Variants in SYN1 observed in about 807,000 individuals in gnomAD.
SYN1 encodes synapsin-1.
SYN1 carries 8 observed loss-of-function variants against 44.6 expected under a neutral mutation model. The ratio of observed to expected loss-of-function variants is 0.18; its 90% CI spans 0.11 to 0.32. The LOEUF (loss-of-function observed/expected upper bound fraction) is 0.32. Ranked by LOEUF, SYN1 falls within the 10% of genes least tolerant of loss-of-function variation. The pLI is 1.00. For missense variants in SYN1, 451 were observed against 639.4 expected (o/e 0.71, Z 3.18); for synonymous variants, 275 against 280.1 (o/e 0.98, Z 0.18).
intron 11 of SYN1, 21 bp downstream of exon 11, chrX:47,574,667 G>A: frequency 8.6e-7 from 1 of 1,165,556 alleles, no homozygotes; most frequent in Non-Finnish European, 1.2e-6. Context: ...AGGGGACTGC[G>A]ACCGCCAGCC....
At chrX:47,594,729 C>CTTTTT (rs369921621) in intron 5 of SYN1, among the ~76,000 whole-genome samples, 4 of 94,005 alleles carry the variant, frequency 4.3e-5, no homozygotes, top group Non-Finnish European at 6.4e-5. Context: ...CTTTTCTTTT[C>CTTTTT]TTTTTTTTTT....
chrX:47,600,258 C>A (rs1053562971), intron 5 of SYN1, among the ~76,000 whole-genome samples: 2 of 109,219 alleles, frequency 1.8e-5, no homozygotes, highest in African/African-American at 6.7e-5. Context: ...GTGGTGCAAT[C>A]TCAGCTCACT....
rs1279101932 is a variant in SYN1 at position 47,583,400 on chromosome X, C to T, written c.775-5899G>A. 3 of 1,185,654 alleles carry T rather than the reference C, an allele frequency of 2.5e-6. No homozygotes were observed. The African/African-American group carries it at 5.3e-5, about 21-fold the overall frequency. On this transcript the variant is annotated intron_variant, in intron 5 of 12. Transcript: ENST00000295987. Reference sequence around the variant, plus strand: ...CCGGGGCCTGCCTGACATCCCCCTTCCCCACAGAACCCACCATGGCCCCCT... The same window carrying T: ...CCGGGGCCTGCCTGACATCCCCCTTTCCCACAGAACCCACCATGGCCCCCT...
chrX:47,619,175 G>A (rs1439000869), intron 1 of SYN1, among the ~76,000 whole-genome samples, 177 bp downstream of exon 1: 1 of 111,626 alleles, frequency 9.0e-6, no homozygotes, highest in African/African-American at 3.3e-5. Flanking sequence ...TTAAGGGGCG[G>A]AGGGGGGCGA....
At chrX:47,594,844 C>G (rs986111082) in intron 5 of SYN1, among the ~76,000 whole-genome samples, 3 of 110,373 alleles carry the variant, frequency 2.7e-5, no homozygotes, top group Admixed American at 9.6e-5. Context: ...TCTCCTGCCT[C>G]AGCCGCTCGA....
chrX:47,582,793 C>T (rs1472137722), intron 5 of SYN1, among the ~76,000 whole-genome samples: 1 of 96,216 alleles, frequency 1.0e-5, no homozygotes, highest in Non-Finnish European at 2.1e-5. Flanking sequence ...CCCCTAAATA[C>T]CCACCGCTAA....
chrX:47,583,572 C>T (rs2057809156), intron 5 of SYN1: 7 of 1,156,238 alleles, frequency 6.1e-6, no homozygotes, highest in Non-Finnish European at 8.1e-6. Flanking sequence ...CACACTCTGC[C>T]TTGGTTTCCC....
At chrX:47,583,118 C>T (rs544912971) in intron 5 of SYN1, among the ~76,000 whole-genome samples, 1 of 96,538 alleles carries the variant, frequency 1.0e-5, no homozygotes, top group South Asian at 5.5e-4. Context: ...TTCCCCAATC[C>T]CCTCATTCCT....
chrX:47,616,881 G>A (rs1159510987), intron 1 of SYN1, among the ~76,000 whole-genome samples: 1 of 111,080 alleles, frequency 9.0e-6, no homozygotes, highest in Admixed American at 9.6e-5. Context: ...AGGCAGGATG[G>A]AGATTGTTGA....
chrX:47,608,998 TC>T lies in SYN1; in HGVS notation c.378-1801del, dbSNP rs762239928. ...TACAGCTACTTCTTTTTCCTTGCTC[TC>T]TCTCTGACACACACACACACACACA... On this transcript the variant is annotated intron_variant, in intron 1 of 12. Coordinates refer to ENST00000295987, the MANE Select transcript of SYN1 (RefSeq NM_006950.3). Among the ~76,000 whole-genome samples the T allele has an allele frequency of 1.1e-4, 8 of 69,931 alleles. No homozygotes were observed. The East Asian group carries it at 3.2e-3, about 28-fold the overall frequency. The allele number at this position is 69,931 out of a possible 115,157, so 60.7% of individuals were successfully genotyped here.
At chrX:47,600,013 A>G (rs921317084) in intron 5 of SYN1, among the ~76,000 whole-genome samples, 2 of 112,602 alleles carry the variant, frequency 1.8e-5, no homozygotes, top group Admixed American at 1.9e-4. Context: ...ATAAGCATAA[A>G]TGGTCAATCC....
chrX:47,590,942 G>C (rs750085414), intron 5 of SYN1, among the ~76,000 whole-genome samples: 1 of 111,588 alleles, frequency 9.0e-6, no homozygotes, highest in East Asian at 2.8e-4. Context: ...GCCCCAGCTG[G>C]AGTGCAGTGG....
intron 1 of SYN1, among the ~76,000 whole-genome samples, chrX:47,614,230 A>T (rs774436759): frequency 9.0e-6 from 1 of 111,683 alleles, no homozygotes; most frequent in Non-Finnish European, 1.9e-5. Flanking sequence ...AGGGAGGAGT[A>T]TGTCTGGCAC....
chrX:47,586,269 C>T (rs1371470114), intron 5 of SYN1: 5 of 752,629 alleles, frequency 6.6e-6, no homozygotes, highest in South Asian at 1.4e-4. Context: ...ATTCCACAGG[C>T]GACCTGCCTG....
chrX:47,615,243 A>T (rs186288254), intron 1 of SYN1, among the ~76,000 whole-genome samples: 7 of 112,024 alleles, frequency 6.2e-5, no homozygotes, highest in Admixed American at 1.9e-4. Flanking sequence ...TTATGTGTAT[A>T]TGTATTTAGA....
chrX:47,619,325 C>A, intron 1 of SYN1, 27 bp downstream of exon 1: 1 of 1,199,938 alleles, frequency 8.3e-7, no homozygotes, highest in Non-Finnish European at 1.1e-6. Flanking sequence ...CCCAGGCCCA[C>A]GGGAGACGTC....
intron 5 of SYN1, among the ~76,000 whole-genome samples, chrX:47,591,272 A>G (rs1603063522): frequency 8.9e-6 from 1 of 112,507 alleles, no homozygotes; most frequent in Non-Finnish European, 1.9e-5. Flanking sequence ...TCAGAACTAC[A>G]TAGTTACAAA....
rs753049167 is a variant in SYN1 at position 47,598,714 on chromosome X, C to G, written c.774+6264G>C. On this transcript the variant is annotated intron_variant, in intron 5 of 12. Coordinates refer to ENST00000295987, the MANE Select transcript of SYN1 (RefSeq NM_006950.3). Reference sequence around the variant, plus strand: ...TGGTGGCAGGCACCTGTAGTCCCAGCTACTAAGAAGGCTGAGGCAGGAGAA... The same window carrying G: ...TGGTGGCAGGCACCTGTAGTCCCAGGTACTAAGAAGGCTGAGGCAGGAGAA... Among the ~76,000 whole-genome samples the G allele has an allele frequency of 4.5e-5, 5 of 111,612 alleles. No individual in the cohort carries two copies. The East Asian group carries it at 1.4e-3, about 31-fold the overall frequency.
Position 47,619,334 on chromosome X carries a change from T to A in SYN1, c.377+18A>T. 8.3e-7 allele frequency: 1 copy of A among 1,200,363 alleles called. No homozygotes were observed. Among genetic ancestry groups the A allele is most frequent in the Non-Finnish European group, 1.1e-6 (1 of 894,306 alleles). On this transcript the variant is annotated intron_variant, in intron 1 of 12. Coordinates refer to ENST00000295987, the MANE Select transcript of SYN1 (RefSeq NM_006950.3). ...TGGGGACCCAGGCCCACGGGAGACG[T>A]CCGCGGCAGTGGCTTACCAGTCGGT...
Sources: gnomAD v4.1 joint callset for allele counts (sites outside exome capture counted in the v4.1 genomes callset) on GRCh38, gnomAD v4.1.1 for gene constraint, MANE v1.5 for transcripts, NCBI Gene and HGNC (gene_info 2026-07-23, HGNC 2026-07-21) for gene names.